AP1G2: variants seen among roughly 807,000 people sequenced by gnomAD.
AP1G2 encodes AP-1 complex subunit gamma-like 2.
In AP1G2, 85 loss-of-function variants were observed where a neutral mutation model predicts 95.8. The observed-to-expected ratio is 0.89, with a 90% confidence interval of 0.74 to 1.06. The LOEUF (loss-of-function observed/expected upper bound fraction) is 1.06. AP1G2 is among the 50% of genes least tolerant of loss of function. AP1G2 has a pLI of 0.00. For missense variants in AP1G2, 967 were observed against 1,005.8 expected (o/e 0.96, Z 0.52); for synonymous variants, 378 against 400.0 (o/e 0.94, Z 0.66).
In AP1G2 at chr14:23,566,123, G is replaced by C. The variant is rs1887809885; in HGVS notation, c.509C>G (p.Pro170Arg). 3 of 1,610,536 alleles carry C rather than the reference G, an allele frequency of 1.9e-6. No individual in the cohort carries two copies. Among genetic ancestry groups the C allele is most frequent in the Non-Finnish European group, 2.5e-6 (3 of 1,177,686 alleles). The change falls in exon 5 of 22, where the codon CCT (proline) becomes CGT (arginine). Residue 170 changes from proline (P) to arginine (R), a missense_variant. Transcript: ENST00000397120. ...TGGGAGGAAGACACTGGAGAGTTCA[G>C]GGACCTTCCGGATCATGTGCACTGC... The part of the protein sequence containing the change: ...LTAVHMIRKV[P>R]ELSSVFLPPC...
rs552626221 is a variant in AP1G2 at position 23,566,024 on chromosome 14, A to G, written c.568+40T>C. 12 of 1,614,040 alleles carry G rather than the reference A, an allele frequency of 7.4e-6. No homozygotes were observed. In the South Asian group the frequency reaches 1.3e-4, roughly 18 times the overall value. On this transcript the variant is annotated intron_variant, in intron 5 of 21. Coordinates refer to ENST00000397120, the MANE Select transcript of AP1G2 (RefSeq NM_003917.5). Reference sequence around the variant, plus strand: ...CATCCGATTTTCAATTCTTCTGTCCATAGACCTGAAGCAAAGGATGGGGGG... The same window carrying G: ...CATCCGATTTTCAATTCTTCTGTCCGTAGACCTGAAGCAAAGGATGGGGGG...
rs1292153279 is a variant in AP1G2, at chr14:23,559,698, G to C, written c.*51C>G. The C allele has an allele frequency of 8.3e-6, 13 of 1,572,586 alleles. No individual in the cohort carries two copies. Among genetic ancestry groups the C allele is most frequent in the Non-Finnish European group, 1.1e-5 (13 of 1,147,040 alleles). Reference sequence around the variant, plus strand: ...CAGGTGTAGGTTCGAAGCTGCTGGGGCCCCCTGGGGTTTGGGACACAGGAG... The same window carrying C: ...CAGGTGTAGGTTCGAAGCTGCTGGGCCCCCCTGGGGTTTGGGACACAGGAG... On this transcript the variant is annotated 3_prime_UTR_variant, in exon 22 of 22. Coordinates refer to ENST00000397120, the MANE Select transcript of AP1G2 (RefSeq NM_003917.5).
Position 23,559,979 on chromosome 14 carries a change from G to C in AP1G2, c.2215C>G (p.Leu739Val), listed in dbSNP as rs1251512983. ...SGNTVPARGGLPITQLFRILN... is the reference protein window; with the variant it reads ...SGNTVPARGGVPITQLFRILN... ...ATTCTGAAGAGCTGGGTGATAGGAAGGCCACCCCGAGCTGGAACTGTGTTC... is the reference window on the plus strand; with the variant it reads ...ATTCTGAAGAGCTGGGTGATAGGAACGCCACCCCGAGCTGGAACTGTGTTC... The change falls in exon 21 of 22, where the codon CTT becomes GTT. Residue 739 changes from leucine to valine, a missense_variant. Leu to Val is a conservative substitution (Grantham distance 32). Transcript: ENST00000397120. The C allele has an allele frequency of 6.2e-7, 1 of 1,613,262 alleles. No individual in the cohort carries two copies. Among genetic ancestry groups the C allele is most frequent in the Non-Finnish European group, 8.5e-7 (1 of 1,179,530 alleles).
At chr14:23,566,999 G>A in intron 2 of AP1G2, 112 bp downstream of exon 2, 1 of 1,185,816 alleles carries the variant, frequency 8.4e-7, no homozygotes, top group Non-Finnish European at 1.2e-6. Context: ...AGGCTGTGAA[G>A]ACTCTGAAAT....
Position 23,566,649 on chromosome 14 carries a change from G to A in AP1G2, c.242C>T (p.Thr81Ile). 1 of 1,614,198 alleles carries A rather than the reference G, an allele frequency of 6.2e-7. No homozygotes were observed. Among genetic ancestry groups the A allele is most frequent in the Non-Finnish European group, 8.5e-7 (1 of 1,180,028 alleles). The part of the protein sequence containing the change: ...CLKLIASSRF[T>I]DKRVGYLGAM... ...CCCCAGGTAGCCCACCCTCTTGTCT[G>A]TGAATCTGGAGGAGGCGATCAGTTT... The change falls in exon 3 of 22, where the codon ACA becomes ATA. Residue 81 changes from threonine (T) to isoleucine (I), a missense_variant. Thr to Ile is a moderately conservative substitution (Grantham distance 89). Transcript: ENST00000397120.
Position 23,561,320 on chromosome 14 carries a change from G to T in AP1G2, c.1969C>A (p.Leu657Ile). 6.4e-7 allele frequency: 1 copy of T among 1,556,126 alleles called. No homozygotes were observed. The highest frequency in any genetic ancestry group is 8.7e-7 in the Non-Finnish European group (1 of 1,151,858). Reference sequence around the variant, plus strand: ...CCTGGGGGTGGAGGTACACAGGGAAGGTCAAGCAGGTGTACCAGGGCACCT... The same window carrying T: ...CCTGGGGGTGGAGGTACACAGGGAATGTCAAGCAGGTGTACCAGGGCACCT... ...PGGALVHLLD[L>I]PCVPPPPAPI... Residue 657 changes from leucine (L) to isoleucine (I), a missense_variant, in exon 19 of 22, where the codon CTT becomes ATT. Physicochemically the swap from Leu to Ile is conservative, Grantham distance 5. Coordinates refer to ENST00000397120, the MANE Select transcript of AP1G2 (RefSeq NM_003917.5).
Position 23,563,418 on chromosome 14 carries a change from G to A in AP1G2, c.1372C>T (p.Arg458Cys), listed in dbSNP as rs143631339. 195 of 1,609,580 alleles carry A rather than the reference G, an allele frequency of 1.2e-4. No homozygotes were observed. In the African/African-American group the frequency reaches 1.6e-3, roughly 13 times the overall value. Reference sequence around the variant, plus strand: ...TCTGCCAGGGCATTGTAGAGGCGGCGCACAGAGTAGGCATGTAGCTCCTGG... The same window carrying A: ...TCTGCCAGGGCATTGTAGAGGCGGCACACAGAGTAGGCATGTAGCTCCTGG... ...GAQELHAYSVRRLYNALAEDI... is the reference protein window; with the variant it reads ...GAQELHAYSVCRLYNALAEDI... Residue 458 changes from arginine to cysteine, a missense_variant, in exon 14 of 22, where the codon CGC becomes TGC. Coordinates refer to ENST00000397120, the MANE Select transcript of AP1G2 (RefSeq NM_003917.5).
At position 23,563,622 on chromosome 14, in the gene AP1G2, G is replaced by A. The variant is rs751773168; in HGVS notation, c.1249C>T (p.Arg417Cys). 1.1e-5 allele frequency: 17 copies of A among 1,614,066 alleles called. No individual in the cohort carries two copies. Among genetic ancestry groups the A allele is most frequent in the Admixed American group, 3.3e-5 (2 of 60,008 alleles). Residue 417 changes from arginine to cysteine, a missense_variant, in exon 13 of 22, where the codon CGC (arginine) becomes TGC (cysteine). Physicochemically the swap from Arg to Cys is radical, Grantham distance 180. Coordinates refer to ENST00000397120, the MANE Select transcript of AP1G2 (RefSeq NM_003917.5). ...TGCAGGATGGTGTCTATGTGCCAGC[G>A]TTTGGTTGGAGCAAACCTAGGGGAT... Reference protein sequence around the residue: ...LAAERFAPTKRWHIDTILHVL... With the variant: ...LAAERFAPTKCWHIDTILHVL...
In AP1G2 at chr14:23,566,671, GTTT is replaced by G. The variant is rs1888171630; in HGVS notation, c.217_219del (p.Lys73del). ...TCTGTGAATCTGGAGGAGGCGATCA[GTTT>G]CAGGCACTCCATCTATAGTGAAGGG... On this transcript the variant is annotated inframe_deletion, in exon 3 of 22. Transcript: ENST00000397120. 1.9e-6 allele frequency: 3 copies of G among 1,614,180 alleles called. No homozygotes were observed. Among genetic ancestry groups the G allele is most frequent in the Non-Finnish European group, 2.5e-6 (3 of 1,180,026 alleles).
Position 23,565,848 on chromosome 14 carries a change from G to A in AP1G2, c.613C>T (p.Arg205Ter), listed in dbSNP as rs369572108. The part of the protein sequence containing the change: ...TITLITELCE[R>*]SPAALRHFRK... ...AAGTGCCTGAGGGCTGCAGGGCTTC[G>A]TTCGCAGAGCTCCGTGATCAGCGTG... Residue 205 changes from arginine (R) to a stop codon, truncating the protein, a stop_gained, in exon 6 of 22, where the codon CGA becomes TGA. Transcript: ENST00000397120. LOFTEE classifies it high-confidence loss of function. 112 of 1,575,336 alleles carry A rather than the reference G, an allele frequency of 7.1e-5. No homozygotes were observed. Among genetic ancestry groups the A allele is most frequent in the Admixed American group, 1.0e-4 (6 of 58,054 alleles).
intron 19 of AP1G2, 85 bp downstream of exon 19, chr14:23,561,211 A>G (rs933251828): frequency 5.4e-6 from 8 of 1,486,514 alleles, no homozygotes; most frequent in Non-Finnish European, 7.1e-6. Flanking sequence ...AGCAGGGTCC[A>G]TGAGCCTCAG....
Position 23,559,719 on chromosome 14 carries a change from A to C in AP1G2, c.*30T>G. On this transcript the variant is annotated 3_prime_UTR_variant, in exon 22 of 22. Transcript: ENST00000397120. ...TGGGGCCCCCTGGGGTTTGGGACACAGGAGAATTTCAGGCTGTGAGTGGAG... is the reference window on the plus strand; with the variant it reads ...TGGGGCCCCCTGGGGTTTGGGACACCGGAGAATTTCAGGCTGTGAGTGGAG... The C allele has an allele frequency of 1.9e-6, 3 of 1,609,598 alleles. No homozygotes were observed. The highest frequency in any genetic ancestry group is 2.5e-6 in the Non-Finnish European group (3 of 1,176,804).
rs747633978 is a variant in AP1G2 at position 23,562,345 on chromosome 14, C to T, written c.1571G>A (p.Arg524Gln). ...LQSHMSLPAT[R>Q]GYALTALMKL... ...CATGAGGGCTGTGAGGGCATATCCT[C>T]GAGTGGCTGGCAGGGACATGTGGGA... The change falls in exon 16 of 22, where the codon CGA becomes CAA. Residue 524 changes from arginine to glutamine, a missense_variant. Arg to Gln is a conservative substitution (Grantham distance 43). Coordinates refer to ENST00000397120, the MANE Select transcript of AP1G2 (RefSeq NM_003917.5). The T allele has an allele frequency of 4.5e-5, 72 of 1,614,074 alleles. No homozygotes were observed. Among genetic ancestry groups the T allele is most frequent in the East Asian group, 3.1e-4 (14 of 44,904 alleles).
Position 23,564,577 on chromosome 14 carries a change from A to G in AP1G2, c.906T>C (p.Ser302=). ...ETVLTIMDIR[S]AAGLRVLAVN... is the part of the protein sequence containing the mutation. ...GGGGTGATACCCGTAGGCCAGCTGCAGAGCGGATATCCATGATGGTGAGTA... is the reference window on the plus strand; with the variant it reads ...GGGGTGATACCCGTAGGCCAGCTGCGGAGCGGATATCCATGATGGTGAGTA... The change falls in exon 9 of 22, where the codon TCT becomes TCC. Residue 302 remains serine, a synonymous_variant. Transcript: ENST00000397120. 1 of 1,613,428 alleles carries G rather than the reference A, an allele frequency of 6.2e-7. No homozygotes were observed.
chr14:23,563,545 A>T, intron 13 of AP1G2, 39 bp downstream of exon 13: 1 of 1,614,136 alleles, frequency 6.2e-7, no homozygotes, highest in Non-Finnish European at 8.5e-7. Context: ...GTGAATCTTG[A>T]CCACTTCTGC....
chr14:23,566,584 G>A lies in AP1G2; in HGVS notation c.307C>T (p.Leu103Phe), dbSNP rs765057651. The part of the protein sequence containing the change: ...LLDERHDAHL[L>F]ITNSIKNDLS... ...CACTTCTTGATGCTGTTGGTAATGA[G>A]CAGGTGGGCATCGTGCCTCTCATCC... Residue 103 changes from leucine (L) to phenylalanine (F), a missense_variant, in exon 3 of 22, where the codon CTC becomes TTC. Transcript: ENST00000397120. 2 of 1,614,202 alleles carry A rather than the reference G, an allele frequency of 1.2e-6. No homozygotes were observed. Among genetic ancestry groups the A allele is most frequent in the Non-Finnish European group, 1.7e-6 (2 of 1,180,034 alleles).
In AP1G2 at chr14:23,567,171, G is replaced by C. The variant is rs763045950; in HGVS notation, c.144C>G (p.His48Gln). ...CGTAGAGCAGTTTGGCCAGCTGCCG[G>C]TGCCTGTGCACTGGGTCCCCGTCGC... ...SFRDGDPVHR[H>Q]RQLAKLLYVH... Residue 48 changes from histidine to glutamine, a missense_variant, in exon 2 of 22, where the codon CAC (histidine) becomes CAG (glutamine). By Grantham distance (24) the His-to-Gln change is conservative. Transcript: ENST00000397120. This position sits in a 1 kb window ranked among gnomAD's most constrained non-coding sequence, Gnocchi z 5.3. 1.2e-5 allele frequency: 20 copies of C among 1,613,206 alleles called. No individual in the cohort carries two copies. The highest frequency in any genetic ancestry group is 1.7e-5 in the Non-Finnish European group (20 of 1,179,470).
In AP1G2 at chr14:23,567,391, G is replaced by A; in HGVS notation, c.-5-72C>T. On this transcript the variant is annotated intron_variant, in intron 1 of 21. Coordinates refer to ENST00000397120, the MANE Select transcript of AP1G2 (RefSeq NM_003917.5). This position sits in a 1 kb window ranked among gnomAD's most constrained non-coding sequence, Gnocchi z 5.3. Reference sequence around the variant, plus strand: ...TGGGCTTTCGGCCCAGGCCCGTCCTGTGTCAAGACCCTAAGAGCCCGGGTC... The same window carrying A: ...TGGGCTTTCGGCCCAGGCCCGTCCTATGTCAAGACCCTAAGAGCCCGGGTC... 6.6e-7 allele frequency: 1 copy of A among 1,519,802 alleles called. No homozygotes were observed. The highest frequency in any genetic ancestry group is 8.7e-7 in the Non-Finnish European group (1 of 1,145,268). 94.1% of individuals were successfully genotyped at this position (1,519,802 alleles called of 1,614,324 possible).
chr14:23,561,037 G>A, intron 19 of AP1G2: 3 of 1,147,856 alleles, frequency 2.6e-6, no homozygotes, highest in Non-Finnish European at 3.3e-6. Context: ...TGAGAAGGGG[G>A]CAGTGAGTGG....
Sources: gnomAD v4.1 joint callset for allele counts on GRCh38, gnomAD v4.1.1 for gene constraint, Gnocchi (gnomAD v3.1) non-coding constraint, MANE v1.5 for transcripts, NCBI Gene and HGNC (gene_info 2026-07-23, HGNC 2026-07-21) for gene names.